HECW2: variants seen among roughly 807,000 people sequenced by gnomAD.
HECW2 encodes the protein HECT, C2 and WW domain containing E3 ubiquitin protein ligase 2.
HECW2 carries 61 observed loss-of-function variants against 175.2 expected under a neutral mutation model. The observed-to-expected ratio is 0.35, with a 90% CI of 0.28 to 0.43. The LOEUF is 0.43. Ranked by LOEUF, HECW2 falls within the 20% of genes least tolerant of loss-of-function variation. HECW2 has a pLI of 1.00. For missense variants in HECW2, 1,524 were observed against 2,000.5 expected, an observed-to-expected ratio of 0.76 and a Z score of 4.54; for synonymous variants, 671 against 731.0, an observed-to-expected ratio of 0.92 and a Z score of 1.32.
At chr2:196,283,187 G>A (rs1221939277) in intron 14 of HECW2, among the ~76,000 whole-genome samples, 4 of 147,850 alleles carry the variant, frequency 2.7e-5, no homozygotes, top group Admixed American at 6.8e-5. Context: ...GCGTGAACCC[G>A]GGAGGCAGAG....
chr2:196,278,133 A>AAAAAAAAAAAATATATATATATAT (rs531920307), intron 15 of HECW2, among the ~76,000 whole-genome samples: 6 of 66,552 alleles, frequency 9.0e-5, no homozygotes, highest in African/African-American at 2.5e-4. Context: ...ATAATTAAAA[A>AAAAAAAAAAAATATATATATATAT]ATATATATAT....
intron 1 of HECW2, among the ~76,000 whole-genome samples, chr2:196,551,779 A>G (rs950413413): frequency 2.0e-5 from 3 of 152,206 alleles, no homozygotes; most frequent in African/African-American, 7.2e-5. Context: ...TGAATTGAAA[A>G]TTACACTAAA....
chr2:196,565,363 CCAAAG>C (rs1419362609), intron 1 of HECW2, among the ~76,000 whole-genome samples: 1 of 152,034 alleles, frequency 6.6e-6, no homozygotes, highest in Non-Finnish European at 1.5e-5. Flanking sequence ...AAATAGGAAA[CCAAAG>C]AAGAATTCTT....
At chr2:196,492,419 G>A (rs187451727) in intron 1 of HECW2, among the ~76,000 whole-genome samples, 1 of 152,180 alleles carries the variant, frequency 6.6e-6, no homozygotes, top group Non-Finnish European at 1.5e-5. Flanking sequence ...AAAATGCCCA[G>A]TGCCATGTGG....
At chr2:196,266,713 A>G (rs1689531565) in intron 17 of HECW2, among the ~76,000 whole-genome samples, 1 of 152,224 alleles carries the variant, frequency 6.6e-6, no homozygotes, top group African/African-American at 2.4e-5. Flanking sequence ...TTTGAACACT[A>G]GGGTTTATCT....
chr2:196,574,828 CA>C (rs1449223103), intron 1 of HECW2, among the ~76,000 whole-genome samples: 3 of 152,218 alleles, frequency 2.0e-5, no homozygotes, highest in East Asian at 3.9e-4. Context: ...AAAAAACAGA[CA>C]TATAGCCTAA....
chr2:196,585,485 G>A (rs1184276236), intron 1 of HECW2, among the ~76,000 whole-genome samples: 1 of 152,214 alleles, frequency 6.6e-6, no homozygotes, highest in Non-Finnish European at 1.5e-5. Context: ...TTAAATGCAT[G>A]CTATAGCTGG....
intron 4 of HECW2, among the ~76,000 whole-genome samples, chr2:196,330,435 C>A (rs970906802): frequency 2.6e-5 from 4 of 152,086 alleles, no homozygotes; most frequent in Non-Finnish European, 5.9e-5. Flanking sequence ...GGAAATAGAA[C>A]CACATTTTAA....
intron 2 of HECW2, among the ~76,000 whole-genome samples, chr2:196,347,594 C>T (rs1693004721): frequency 1.3e-5 from 2 of 152,290 alleles, no homozygotes; most frequent in South Asian, 4.1e-4. Flanking sequence ...TATTCAGGTT[C>T]ACACAGAACA....
At position 196,266,165 on chromosome 2, in the gene HECW2, T is replaced by C. The variant is rs1259062655; in HGVS notation, c.3335+5028A>G. 1.2e-4 allele frequency among the ~76,000 whole-genome samples: 8 copies of C among 69,374 alleles called. No individual in the cohort carries two copies. In the South Asian group the frequency reaches 4.3e-3, roughly 37 times the overall value. The allele number at this position is 69,374 out of a possible 152,430, so 45.5% of individuals were successfully genotyped here. A position where few individuals can be genotyped will look rare whatever the true frequency, so the allele number is the denominator to read the frequency against. ...GTACAACATAGCAAGACTCCATCTC[T>C]ATTAAAAAAAAAAAAAAAAAAACAC... On this transcript the variant is annotated intron_variant, in intron 17 of 28. Coordinates refer to ENST00000644978, the MANE Select transcript of HECW2 (RefSeq NM_001348768.2).
chr2:196,276,247 C>T (rs1689951371), intron 15 of HECW2, among the ~76,000 whole-genome samples: 1 of 152,124 alleles, frequency 6.6e-6, no homozygotes, highest in African/African-American at 2.4e-5. Context: ...AGGACACTCC[C>T]CCGGAAGGTT....
intron 2 of HECW2, 31 bp from the exon 3 acceptor site, chr2:196,343,795 T>A (rs984319139): frequency 1.5e-6 from 2 of 1,340,960 alleles, no homozygotes; most frequent in Non-Finnish European, 2.1e-6. Context: ...CTTTTCAGAT[T>A]AATTATAACC....
chr2:196,249,285 C>T (rs1688771610), intron 19 of HECW2, among the ~76,000 whole-genome samples: 2 of 152,168 alleles, frequency 1.3e-5, no homozygotes, highest in Admixed American at 6.5e-5. Flanking sequence ...TTCCTTCTGG[C>T]ATCACTGAGG....
intron 2 of HECW2, among the ~76,000 whole-genome samples, chr2:196,419,985 A>C (rs985813918): frequency 6.6e-6 from 1 of 152,204 alleles, no homozygotes; most frequent in Non-Finnish European, 1.5e-5. Context: ...TGATTTTATG[A>C]ACTACAGTAG....
chr2:196,548,568 T>C (rs1689500601), intron 1 of HECW2, among the ~76,000 whole-genome samples: 1 of 152,226 alleles, frequency 6.6e-6, no homozygotes, highest in Non-Finnish European at 1.5e-5. Context: ...TGCCCCATTC[T>C]ACTTTGAAAA....
intron 2 of HECW2, among the ~76,000 whole-genome samples, chr2:196,349,913 A>C (rs1575446159): frequency 6.6e-6 from 1 of 152,290 alleles, no homozygotes; most frequent in Middle Eastern, 3.4e-3. Flanking sequence ...TAGGGGTCTT[A>C]AACAGAATCT....
At chr2:196,513,993 G>A (rs1688053288) in intron 1 of HECW2, among the ~76,000 whole-genome samples, 1 of 152,176 alleles carries the variant, frequency 6.6e-6, no homozygotes. Flanking sequence ...GAGCCAGTGG[G>A]AGCCAGCAAC....
chr2:196,365,701 CA>C (rs1053902058), intron 2 of HECW2, among the ~76,000 whole-genome samples: 11 of 152,256 alleles, frequency 7.2e-5, no homozygotes, highest in African/African-American at 2.6e-4. Context: ...TACATGTGTA[CA>C]AAATACGTGT....
intron 2 of HECW2, chr2:196,362,022 C>T (rs1693603565): frequency 1.0e-6 from 1 of 985,250 alleles, no homozygotes; most frequent in Non-Finnish European, 1.2e-6. Flanking sequence ...TTCACGGATG[C>T]TCCTGCTTCT....
Sources: gnomAD v4.1 joint callset for allele counts (sites outside exome capture counted in the v4.1 genomes callset) on GRCh38, gnomAD v4.1.1 for gene constraint, MANE v1.5 for transcripts, NCBI Gene and HGNC (gene_info 2026-07-23, HGNC 2026-07-21) for gene names.